PDS5A: variants seen among roughly 807,000 people sequenced by gnomAD.
The protein encoded by PDS5A is sister chromatid cohesion protein PDS5 homolog A.
In PDS5A, 42 loss-of-function variants were observed where a neutral mutation model predicts 167.1. The ratio of observed to expected loss-of-function variants is 0.25; its 90% CI spans 0.20 to 0.33. The LOEUF (loss-of-function observed/expected upper bound fraction) is 0.33, where lower values mean the gene tolerates loss of function less well. Among genes scored for constraint, PDS5A ranks in the 10% least tolerant of loss-of-function variants. The pLI is 1.00. For synonymous variants in PDS5A, 553 were observed against 554.6 expected (o/e 1.00, Z 0.04); for missense variants, 1,033 against 1,605.9 (o/e 0.64, Z 6.10).
chr4:39,870,050 A>C (rs1719889154), intron 21 of PDS5A, among the ~76,000 whole-genome samples: 1 of 151,996 alleles, frequency 6.6e-6, no homozygotes, highest in Admixed American at 6.5e-5. Context: ...CAGAGGTTGC[A>C]GTGAGCTGAC....
chr4:39,928,604 A>C (rs1725673025), intron 2 of PDS5A, among the ~76,000 whole-genome samples: 1 of 152,086 alleles, frequency 6.6e-6, no homozygotes, highest in Non-Finnish European at 1.5e-5. Context: ...TGAGTTTTAC[A>C]CTTCATAATA....
intron 21 of PDS5A, 44 bp downstream of exon 21, chr4:39,872,942 G>A: frequency 8.7e-7 from 1 of 1,154,620 alleles, no homozygotes; most frequent in Non-Finnish European, 1.2e-6. Context: ...GATGTAAACA[G>A]CCTTAATCTC....
intron 2 of PDS5A, among the ~76,000 whole-genome samples, chr4:39,955,324 G>A (rs1039158522): frequency 1.2e-4 from 18 of 152,080 alleles, no homozygotes; most frequent in Admixed American, 3.9e-4. Context: ...CTCTAGGGCC[G>A]GGCGTGGTGG....
At chr4:39,975,355 G>T (rs1730989240) in intron 2 of PDS5A, among the ~76,000 whole-genome samples, 2 of 152,156 alleles carry the variant, frequency 1.3e-5, no homozygotes, top group Admixed American at 1.3e-4. Flanking sequence ...TTTAAATACT[G>T]TACTCATTAA....
intron 18 of PDS5A, among the ~76,000 whole-genome samples, chr4:39,878,976 T>A (rs1720712449): frequency 1.3e-5 from 2 of 152,278 alleles, no homozygotes; most frequent in African/African-American, 2.4e-5. Flanking sequence ...TCTCTTGACC[T>A]TGTGATCTGC....
rs1333806439 is a variant in PDS5A at position 39,902,406 on chromosome 4, T to G, written c.1440A>C (p.Thr480=). The G allele has an allele frequency of 6.3e-7, 1 of 1,597,708 alleles. No homozygotes were observed. Among genetic ancestry groups the G allele is most frequent in the Non-Finnish European group, 8.6e-7 (1 of 1,168,362 alleles). The change falls in exon 13 of 33, where the codon ACA becomes ACC. Residue 480 remains threonine (T), a synonymous_variant. Transcript: ENST00000303538. ...AATATAAGCATTTCATTCTCTCTTC[T>G]GTTTCCAGGTTGTGGGGGACAAGAT... is the stretch of plus-strand genomic sequence containing the variant. ...AQYLVPHNLE[T]EERMKCLYYL...
rs1725625490 is a variant in PDS5A at position 39,928,125 on chromosome 4, C to T, written c.178G>A (p.Glu60Lys). The part of the protein sequence containing the change: ...KTFMDMDQDS[E>K]DEKQQYLPLA... The stretch of plus-strand genomic sequence containing the variant: ...GGGAGATACTGCTGTTTTTCATCTT[C>T]TGAGTCCTGATCCATATCCATAAAG... The change falls in exon 3 of 33, where the codon GAA (glutamate) becomes AAA (lysine). Residue 60 changes from glutamate (E) to lysine (K), a missense_variant. By Grantham distance (56) the Glu-to-Lys change is moderately conservative. Transcript: ENST00000303538. The T allele has an allele frequency of 6.2e-7, 1 of 1,612,352 alleles. No individual in the cohort carries two copies. The highest frequency in any genetic ancestry group is 1.7e-5 in the Admixed American group (1 of 59,882).
chr4:39,958,605 C>CTTT (rs142278384), intron 2 of PDS5A, among the ~76,000 whole-genome samples: 1 of 147,402 alleles, frequency 6.8e-6, no homozygotes, highest in Non-Finnish European at 1.5e-5. Flanking sequence ...CATTTCTTGT[C>CTTT]TTTTTTTTTT....
At chr4:39,876,701 T>C (rs1168228087) in intron 19 of PDS5A, among the ~76,000 whole-genome samples, 2 of 152,212 alleles carry the variant, frequency 1.3e-5, no homozygotes, top group African/African-American at 2.4e-5. Context: ...ACATTAGTCA[T>C]AAATATAATA....
At chr4:39,911,561 G>A (rs994800389) in intron 9 of PDS5A, among the ~76,000 whole-genome samples, 1 of 151,812 alleles carries the variant, frequency 6.6e-6, no homozygotes, top group East Asian at 1.9e-4. Flanking sequence ...GGCCGGGCGC[G>A]GTGGCTCACA....
At chr4:39,893,856 G>C (rs1031937739) in intron 16 of PDS5A, among the ~76,000 whole-genome samples, 8 of 152,168 alleles carry the variant, frequency 5.3e-5, no homozygotes, top group Non-Finnish European at 8.8e-5. Context: ...TCTTACCACT[G>C]CAAGTGCAGT....
At chr4:39,854,026 G>A (rs367721495) in intron 26 of PDS5A, among the ~76,000 whole-genome samples, 5 of 152,158 alleles carry the variant, frequency 3.3e-5, no homozygotes, top group Admixed American at 2.0e-4. Context: ...AACAGGATGC[G>A]TGCGGTGGCT....
intron 17 of PDS5A, among the ~76,000 whole-genome samples, chr4:39,880,349 C>G (rs1000413598): frequency 6.6e-6 from 1 of 152,050 alleles, no homozygotes; most frequent in Admixed American, 6.6e-5. Flanking sequence ...TAATTAGGAA[C>G]AATTTAATTG....
At chr4:39,911,427 C>T (rs1235461874) in intron 9 of PDS5A, among the ~76,000 whole-genome samples, 2 of 150,542 alleles carry the variant, frequency 1.3e-5, no homozygotes, top group South Asian at 2.1e-4. Context: ...GTTGCACTGT[C>T]TCACCACTTA....
chr4:39,905,445 C>T (rs1723248306), intron 11 of PDS5A, among the ~76,000 whole-genome samples: 1 of 152,166 alleles, frequency 6.6e-6, no homozygotes, highest in Non-Finnish European at 1.5e-5. Context: ...CTAATTCCAG[C>T]TACTTGGGAG....
chr4:39,915,343 A>ATTTTTTTTTTTTTTTT (rs3070904), intron 8 of PDS5A, among the ~76,000 whole-genome samples: 2 of 88,728 alleles, frequency 2.3e-5, no homozygotes, highest in Non-Finnish European at 4.1e-5. Flanking sequence ...AACCGGCCTG[A>ATTTTTTTTTTTTTTTT]TTTTTTTTTT....
chr4:39,963,327 C>T (rs1729673053), intron 2 of PDS5A, among the ~76,000 whole-genome samples: 2 of 151,938 alleles, frequency 1.3e-5, no homozygotes, highest in African/African-American at 4.8e-5. Context: ...GGCATGGTGG[C>T]AGGCACCTAT....
chr4:39,910,388 T>C (rs1452591836), intron 9 of PDS5A, 50 bp from the exon 10 acceptor site: 4 of 907,924 alleles, frequency 4.4e-6, no homozygotes, highest in Non-Finnish European at 3.5e-6. Context: ...AAATAATCAC[T>C]CTCAAATCAG....
At chr4:39,867,761 C>T (rs543033973) in intron 22 of PDS5A, among the ~76,000 whole-genome samples, 3 of 150,228 alleles carry the variant, frequency 2.0e-5, no homozygotes, top group African/African-American at 4.9e-5. Context: ...CACACACACA[C>T]ACACACACAC....
Sources: allele counts gnomAD v4.1 joint callset (sites outside exome capture counted in the v4.1 genomes callset), GRCh38; gene constraint gnomAD v4.1.1; transcripts MANE v1.5; gene names NCBI Gene and HGNC (gene_info 2026-07-23, HGNC 2026-07-21).